Variants in CLIC6 observed in about 807,000 individuals in gnomAD.
CLIC6 encodes the protein chloride intracellular channel protein 6.
Under a neutral mutation model 49.2 loss-of-function variants are expected in CLIC6, and 39 were observed. That is an observed-to-expected ratio of 0.79 (90% CI 0.61 to 1.04). CLIC6 has a LOEUF of 1.04. Among genes scored for constraint, CLIC6 ranks in the 50% least tolerant of loss-of-function variants. The pLI, the probability that CLIC6 is intolerant of heterozygous loss-of-function variation, is 0.00. For synonymous variants in CLIC6, 446 were observed against 433.4 expected (o/e 1.03, Z -0.36); for missense variants, 988 against 993.1 (o/e 0.99, Z 0.07).
chr21:34,707,191 C>T (rs1414102801), intron 1 of CLIC6, 89 bp from the exon 2 acceptor site: 11 of 998,626 alleles, frequency 1.1e-5, no homozygotes, highest in African/African-American at 9.6e-5. Context: ...TTCTTATCAA[C>T]CTGCAATGAT....
At chr21:34,674,788 G>A (rs564941520) in intron 1 of CLIC6, among the ~76,000 whole-genome samples, 6 of 152,152 alleles carry the variant, frequency 3.9e-5, no homozygotes, top group Admixed American at 3.3e-4. Flanking sequence ...AATAACAAAG[G>A]GTAACAACAT....
chr21:34,670,188 G>C lies in CLIC6; in HGVS notation c.800G>C (p.Gly267Ala), dbSNP rs1989521601. Residue 267 changes from glycine (G) to alanine (A), a missense_variant, in exon 1 of 6, where the codon GGG becomes GCG. This residue lies in a region of CLIC6 where 647 missense variants were observed against 596.9 expected (regional missense o/e 1.08). Coordinates refer to ENST00000349499, the MANE Select transcript of CLIC6 (RefSeq NM_053277.3). Reference sequence around the variant, plus strand: ...GGCGTAGAAGCGGGGGTCCCGGCGGGGGACAGCGTAGAAGCCGAAGGCCCG... The same window carrying C: ...GGCGTAGAAGCGGGGGTCCCGGCGGCGGACAGCGTAGAAGCCGAAGGCCCG... ...GDGVEAGVPA[G>A]DSVEAEGPAG... is the part of the protein sequence containing the mutation. The C allele has an allele frequency of 4.5e-6, 4 of 886,392 alleles. No individual in the cohort carries two copies. Among genetic ancestry groups the C allele is most frequent in the Middle Eastern group, 3.7e-4 (1 of 2,710 alleles). 54.9% of individuals were successfully genotyped at this position (886,392 alleles called of 1,614,324 possible). A position where few individuals can be genotyped will look rare whatever the true frequency, so the allele number is the denominator to read the frequency against.
At chr21:34,689,861 C>G (rs1390885972) in intron 1 of CLIC6, among the ~76,000 whole-genome samples, 2 of 152,158 alleles carry the variant, frequency 1.3e-5, no homozygotes, top group Non-Finnish European at 2.9e-5. Flanking sequence ...TCCTTGAACG[C>G]TTTATCATTT....
chr21:34,683,228 A>G (rs941107069), intron 1 of CLIC6, among the ~76,000 whole-genome samples: 1 of 152,212 alleles, frequency 6.6e-6, no homozygotes, highest in African/African-American at 2.4e-5. Context: ...AACTGTACAG[A>G]CAGGAGGATC....
intron 1 of CLIC6, 78 bp downstream of exon 1, chr21:34,670,840 G>C: frequency 7.0e-7 from 1 of 1,437,396 alleles, no homozygotes; most frequent in Non-Finnish European, 9.3e-7. Context: ...CCAGAGGGAC[G>C]CGCAGGGAGG....
chr21:34,694,159 T>TG (rs1990050876), intron 1 of CLIC6, among the ~76,000 whole-genome samples: 1 of 147,348 alleles, frequency 6.8e-6, no homozygotes, highest in African/African-American at 2.5e-5. Flanking sequence ...TTTTGTATTT[T>TG]TAGTAGAGGC....
At chr21:34,679,235 T>C (rs1282762924) in intron 1 of CLIC6, among the ~76,000 whole-genome samples, 1 of 152,182 alleles carries the variant, frequency 6.6e-6, no homozygotes, top group African/African-American at 2.4e-5. Context: ...ACATCCTTCT[T>C]TGCATGGCAA....
chr21:34,684,663 A>G (rs1435900331), intron 1 of CLIC6, among the ~76,000 whole-genome samples: 1 of 152,200 alleles, frequency 6.6e-6, no homozygotes, highest in Non-Finnish European at 1.5e-5. Flanking sequence ...ACAACTATTA[A>G]AGCTCTATGG....
Position 34,670,674 on chromosome 21 carries a change from C to A in CLIC6, c.1286C>A (p.Ala429Asp), listed in dbSNP as rs1200209086. ...GGCCCCGCCGAGGGTAGCGGCGAGG[C>A]CGCGCGCGTGAACGGCCGCCGGGAG... ...EEGPAEGSGE[A>D]ARVNGRREDG... The change falls in exon 1 of 6, where the codon GCC becomes GAC. Residue 429 changes from alanine (A) to aspartate (D), a missense_variant. Coordinates refer to ENST00000349499, the MANE Select transcript of CLIC6 (RefSeq NM_053277.3). 6.4e-7 allele frequency: 1 copy of A among 1,574,428 alleles called. No individual in the cohort carries two copies. Among genetic ancestry groups the A allele is most frequent in the Non-Finnish European group, 8.6e-7 (1 of 1,163,708 alleles).
chr21:34,698,618 C>T (rs146326584), intron 1 of CLIC6, among the ~76,000 whole-genome samples: 169 of 152,166 alleles, frequency 1.1e-3, no homozygotes, highest in Non-Finnish European at 2.0e-3. Context: ...TTGTTCTAGG[C>T]GTCGTATGTG....
chr21:34,704,982 G>T (rs931852278), intron 1 of CLIC6, among the ~76,000 whole-genome samples: 1 of 152,110 alleles, frequency 6.6e-6, no homozygotes, highest in Non-Finnish European at 1.5e-5. Context: ...ACTGGAACGG[G>T]ACACACACAC....
chr21:34,678,954 C>G (rs183022933), intron 1 of CLIC6, among the ~76,000 whole-genome samples: 242 of 152,300 alleles, frequency 1.6e-3, no homozygotes, highest in Non-Finnish European at 2.4e-3. Flanking sequence ...AACATATCCT[C>G]AATGTATTAT....
chr21:34,701,759 T>C (rs749690997), intron 1 of CLIC6, among the ~76,000 whole-genome samples: 1 of 152,186 alleles, frequency 6.6e-6, no homozygotes, highest in Non-Finnish European at 1.5e-5. Flanking sequence ...CTCAGGCAAA[T>C]GGATAAACTC....
At chr21:34,708,874 C>T (rs1004007308) in intron 4 of CLIC6, 68 bp downstream of exon 4, 4 of 1,097,806 alleles carry the variant, frequency 3.6e-6, no homozygotes, top group Non-Finnish European at 5.5e-6. Context: ...GGCCCATACG[C>T]TCCTGGGGTA....
intron 1 of CLIC6, among the ~76,000 whole-genome samples, chr21:34,676,386 G>C (rs1278826006): frequency 2.0e-5 from 3 of 152,208 alleles, no homozygotes; most frequent in African/African-American, 7.2e-5. Flanking sequence ...GCTAGATTCT[G>C]GGGACACATT....
At position 34,670,135 on chromosome 21, in the gene CLIC6, C is replaced by A. The variant is rs1412781991; in HGVS notation, c.747C>A (p.Ser249Arg). ...ACGCGGAGGGCCGGGTGGGGGACAG[C>A]GTAGAGGCGGGGGACCCGGCGGGGG... ...SVDAEGRVGDSVEAGDPAGDG... is the reference protein window; with the variant it reads ...SVDAEGRVGDRVEAGDPAGDG... Residue 249 changes from serine (S) to arginine (R), a missense_variant, in exon 1 of 6, where the codon AGC becomes AGA. Coordinates refer to ENST00000349499, the MANE Select transcript of CLIC6 (RefSeq NM_053277.3). 90 of 1,361,050 alleles carry A rather than the reference C, an allele frequency of 6.6e-5. No individual in the cohort carries two copies. Among genetic ancestry groups the A allele is most frequent in the South Asian group, 4.8e-4 (28 of 58,102 alleles). The allele number at this position is 1,361,050 out of a possible 1,614,324, so 84.3% of individuals were successfully genotyped here. A position where few individuals can be genotyped will look rare whatever the true frequency, so the allele number is the denominator to read the frequency against.
intron 1 of CLIC6, among the ~76,000 whole-genome samples, chr21:34,682,430 A>G (rs980175276): frequency 6.6e-6 from 1 of 152,186 alleles, no homozygotes; most frequent in African/African-American, 2.4e-5. Flanking sequence ...TTTAAAAAGT[A>G]TATAAGTATT....
At chr21:34,677,139 C>T (rs1989688269) in intron 1 of CLIC6, among the ~76,000 whole-genome samples, 1 of 152,174 alleles carries the variant, frequency 6.6e-6, no homozygotes, top group African/African-American at 2.4e-5. Flanking sequence ...CTTCTGAAAG[C>T]AGCATTTTAA....
At chr21:34,681,981 A>T (rs1989787508) in intron 1 of CLIC6, among the ~76,000 whole-genome samples, 1 of 152,064 alleles carries the variant, frequency 6.6e-6, no homozygotes, top group African/African-American at 2.4e-5. Context: ...CTTGGAAATC[A>T]CTCCTTATCA....
Sources: gnomAD v4.1 joint callset for allele counts (sites outside exome capture counted in the v4.1 genomes callset) on GRCh38, gnomAD v4.1.1 for gene constraint, gnomAD v4.1.1 regional missense constraint, MANE v1.5 for transcripts, NCBI Gene and HGNC (gene_info 2026-07-23, HGNC 2026-07-21) for gene names.